NAV2: variants seen among roughly 807,000 people sequenced by gnomAD.
The protein encoded by NAV2 is neuron navigator 2, also known as helicase, APC down-regulated 1.
In NAV2, 54 loss-of-function variants were observed where a neutral mutation model predicts 223.2. The observed-to-expected ratio is 0.24, with a 90% CI of 0.19 to 0.30. NAV2 has a LOEUF of 0.30. NAV2 is among the 10% of genes least tolerant of loss of function. The probability of loss-of-function intolerance (pLI) is 1.00; values close to 1 mark genes in which losing one functional copy is unlikely to be tolerated. For synonymous variants in NAV2, 1,279 were observed against 1,239.3 expected, an observed-to-expected ratio of 1.03 and a Z score of -0.67; for missense variants, 2,806 against 3,147.5, an observed-to-expected ratio of 0.89 and a Z score of 2.60.
At chr11:19,550,127 G>T (rs1047373826) in intron 1 of NAV2, among the ~76,000 whole-genome samples, 27 of 152,142 alleles carry the variant, frequency 1.8e-4, no homozygotes, top group Non-Finnish European at 2.9e-4. Context: ...TCTAATACCC[G>T]GAGGCAGCCA....
Position 19,933,152 on chromosome 11 carries a change from G to C in NAV2, c.932-24G>C, listed in dbSNP as rs750345062. ...GTGCAGGTCAACAAGTATGATTCAG[G>C]CCTCCTCTCTTCTGTCTCTGCAGAG... On this transcript the variant is annotated intron_variant, in intron 6 of 37. Transcript: ENST00000349880. This position sits in a 1 kb window ranked among gnomAD's most constrained non-coding sequence, Gnocchi z 4.3. 1.3e-6 allele frequency: 2 copies of C among 1,500,276 alleles called. No homozygotes were observed. The highest frequency in any genetic ancestry group is 1.4e-5 in the South Asian group (1 of 70,894). 92.9% of individuals were successfully genotyped at this position (1,500,276 alleles called of 1,614,324 possible).
intron 1 of NAV2, among the ~76,000 whole-genome samples, chr11:19,646,139 A>G (rs550098542): frequency 2.0e-5 from 3 of 152,336 alleles, no homozygotes; most frequent in Admixed American, 2.0e-4. Context: ...AATGGGGTTG[A>G]ATGAGAGGCC....
At position 19,623,385 on chromosome 11, in the gene NAV2, G is replaced by A. The variant is rs561471068; in HGVS notation, c.76-209099G>A. Among the ~76,000 whole-genome samples, 494 of 152,166 alleles carry A rather than the reference G, an allele frequency of 3.2e-3. 4 individuals carry two copies. The highest frequency in any genetic ancestry group is 0.011 in the African/African-American group (469 of 41,524). ...TTTCCAACTTGGTTCCATTCTCCCCGTCACTTTCAGGTACACCAATCAGAC... is the reference window on the plus strand; with the variant it reads ...TTTCCAACTTGGTTCCATTCTCCCCATCACTTTCAGGTACACCAATCAGAC... On this transcript the variant is annotated intron_variant, in intron 1 of 37. Coordinates refer to the NAV2 transcript ENST00000360655.
intron 11 of NAV2, among the ~76,000 whole-genome samples, chr11:20,012,662 T>C (rs1302377571): frequency 7.3e-6 from 1 of 137,734 alleles, no homozygotes; most frequent in Non-Finnish European, 1.5e-5. Context: ...GCAACAAAGT[T>C]AGACTCCATC....
intron 1 of NAV2, among the ~76,000 whole-genome samples, chr11:19,704,558 ACTAT>A: frequency 6.6e-6 from 1 of 152,348 alleles, no homozygotes; most frequent in African/African-American, 2.4e-5. Context: ...AATGGGAATA[ACTAT>A]CTACCTCATG....
chr11:19,830,445 A>T (rs2059868893), intron 1 of NAV2, among the ~76,000 whole-genome samples: 1 of 152,218 alleles, frequency 6.6e-6, no homozygotes, highest in Non-Finnish European at 1.5e-5. Flanking sequence ...GACCTTGGAC[A>T]GGTTACTTTA....
At chr11:20,098,526 A>C (rs1038613475) in intron 31 of NAV2, among the ~76,000 whole-genome samples, 5 of 152,322 alleles carry the variant, frequency 3.3e-5, no homozygotes, top group African/African-American at 1.2e-4. Context: ...GTGTTGTCTC[A>C]TTTCTTACTT....
chr11:19,411,200 G>T (rs1211499366), intron 1 of NAV2, among the ~76,000 whole-genome samples: 1 of 152,198 alleles, frequency 6.6e-6, no homozygotes, highest in Non-Finnish European at 1.5e-5. Flanking sequence ...AGGTGATGCT[G>T]CTGCTCTGGG....
intron 1 of NAV2, among the ~76,000 whole-genome samples, chr11:19,594,463 G>T (rs1247745174): frequency 2.7e-5 from 4 of 147,938 alleles, no homozygotes; most frequent in African/African-American, 1.0e-4. Context: ...GATTTCTCCT[G>T]TGTCTTCTGT....
intron 1 of NAV2, among the ~76,000 whole-genome samples, chr11:19,364,429 C>G (rs1176664891): frequency 1.3e-5 from 2 of 152,212 alleles, no homozygotes; most frequent in Non-Finnish European, 2.9e-5. Context: ...ATTTATTTCC[C>G]AAACATGTGG....
chr11:20,019,287 C>G (rs2054283114), intron 11 of NAV2, among the ~76,000 whole-genome samples: 1 of 152,078 alleles, frequency 6.6e-6, no homozygotes, highest in African/African-American at 2.4e-5. Context: ...TTTGGGGACT[C>G]TAGGCAAAAG....
chr11:19,416,940 T>G (rs1850396632), intron 1 of NAV2, among the ~76,000 whole-genome samples: 2 of 152,146 alleles, frequency 1.3e-5, no homozygotes, highest in South Asian at 4.1e-4. Flanking sequence ...TATACAAACA[T>G]TAACTCAAGG....
At chr11:19,869,048 C>T (rs547340356) in intron 4 of NAV2, 51 bp downstream of exon 4, 2 of 1,518,898 alleles carry the variant, frequency 1.3e-6, no homozygotes, top group Admixed American at 3.4e-5. Context: ...TAGAAATGCC[C>T]ACCTGTTACT....
At chr11:19,684,763 A>T (rs1179769866) in intron 1 of NAV2, among the ~76,000 whole-genome samples, 2 of 152,040 alleles carry the variant, frequency 1.3e-5, no homozygotes, top group Non-Finnish European at 2.9e-5. Flanking sequence ...CCCTTCCGGG[A>T]TGATTGACTA....
intron 6 of NAV2, among the ~76,000 whole-genome samples, chr11:19,929,440 G>A (rs1054039288): frequency 6.6e-6 from 1 of 152,126 alleles, no homozygotes; most frequent in Non-Finnish European, 1.5e-5. Context: ...CATGAGTGTA[G>A]AATGTTGATG....
intron 1 of NAV2, among the ~76,000 whole-genome samples, chr11:19,759,362 C>T (rs1283606429): frequency 1.3e-5 from 2 of 152,122 alleles, no homozygotes; most frequent in East Asian, 1.9e-4. Context: ...GGATTACAGG[C>T]GTGAGCCACC....
At chr11:19,823,502 C>T (rs897388376) in intron 1 of NAV2, among the ~76,000 whole-genome samples, 3 of 152,110 alleles carry the variant, frequency 2.0e-5, no homozygotes, top group Non-Finnish European at 4.4e-5. Context: ...GCCACCGTGC[C>T]CAGCCTATTT....
chr11:19,877,615 C>A (rs574063155), intron 4 of NAV2, among the ~76,000 whole-genome samples: 10 of 151,568 alleles, frequency 6.6e-5, no homozygotes, highest in South Asian at 2.1e-4. Flanking sequence ...TGGGACCACA[C>A]GCGCCCGCCA....
At chr11:19,690,995 A>G (rs2049156840) in intron 1 of NAV2, among the ~76,000 whole-genome samples, 1 of 152,350 alleles carries the variant, frequency 6.6e-6, no homozygotes, top group African/African-American at 2.4e-5. Context: ...CCAAGTGCCT[A>G]GGGAATGAGC....
Sources: allele counts gnomAD v4.1 joint callset (sites outside exome capture counted in the v4.1 genomes callset), GRCh38; gene constraint gnomAD v4.1.1; non-coding constraint Gnocchi (gnomAD v3.1); transcripts MANE v1.5; gene names NCBI Gene and HGNC (gene_info 2026-07-23, HGNC 2026-07-21).